Variants in ATG7 observed in about 807,000 individuals in gnomAD.
ATG7 encodes the protein ubiquitin-like modifier-activating enzyme ATG7.
ATG7 carries 70 observed loss-of-function variants against 82.4 expected under a neutral mutation model. The observed-to-expected ratio is 0.85, with a 90% CI of 0.70 to 1.04. ATG7 has a LOEUF of 1.04. Ranked by LOEUF, ATG7 falls within the 50% of genes least tolerant of loss-of-function variation. ATG7 has a pLI of 0.00. For missense variants in ATG7, 792 were observed against 864.3 expected, an observed-to-expected ratio of 0.92 and a Z score of 1.05; for synonymous variants, 287 against 313.0, an observed-to-expected ratio of 0.92 and a Z score of 0.88.
intron 19 of ATG7, among the ~76,000 whole-genome samples, chr3:11,423,549 T>C (rs1249257550): frequency 2.6e-5 from 4 of 152,224 alleles, no homozygotes; most frequent in Non-Finnish European, 5.9e-5. Context: ...TGGACATTTT[T>C]TCCTGACGTA....
chr3:11,554,113 G>A (rs1218142242), intron 20 of ATG7, among the ~76,000 whole-genome samples: 6 of 152,196 alleles, frequency 3.9e-5, no homozygotes, highest in Non-Finnish European at 8.8e-5. Flanking sequence ...GTCGGCCAGG[G>A]TGGCTCTTGC....
At chr3:11,455,884 T>A (rs1180161664) in intron 20 of ATG7, among the ~76,000 whole-genome samples, 1 of 152,218 alleles carries the variant, frequency 6.6e-6, no homozygotes, top group Non-Finnish European at 1.5e-5. Flanking sequence ...CTAACCTGTC[T>A]TATGTTCTTT....
intron 9 of ATG7, among the ~76,000 whole-genome samples, chr3:11,321,092 T>C (rs898028807): frequency 6.6e-6 from 1 of 152,154 alleles, no homozygotes; most frequent in East Asian, 1.9e-4. Flanking sequence ...CTGGGAATGT[T>C]TTGGAAGTAA....
chr3:11,535,461 TCA>T (rs148481525), intron 20 of ATG7, among the ~76,000 whole-genome samples: 5,268 of 152,210 alleles, frequency 0.035, 106 homozygotes, highest in African/African-American at 0.054. Context: ...TGTATGGCAA[TCA>T]CAGGGGCCAG....
intron 20 of ATG7, among the ~76,000 whole-genome samples, chr3:11,530,980 C>T (rs770358718): frequency 3.9e-5 from 6 of 152,154 alleles, no homozygotes; most frequent in East Asian, 3.9e-4. Context: ...TACTCTATCT[C>T]GGAAAATAAT....
intron 20 of ATG7, among the ~76,000 whole-genome samples, chr3:11,473,071 A>C (rs1390518675): frequency 1.3e-5 from 2 of 152,170 alleles, no homozygotes; most frequent in Non-Finnish European, 2.9e-5. Flanking sequence ...ACTTTCTGAT[A>C]TTCAGCCCTG....
chr3:11,415,791 T>A (rs1452038578), intron 19 of ATG7, among the ~76,000 whole-genome samples: 1 of 151,808 alleles, frequency 6.6e-6, no homozygotes, highest in Non-Finnish European at 1.5e-5. Context: ...GTAGAGGGAT[T>A]ACACTTTGCT....
chr3:11,516,859 G>C (rs558297986), intron 20 of ATG7, among the ~76,000 whole-genome samples: 1 of 151,926 alleles, frequency 6.6e-6, no homozygotes, highest in African/African-American at 2.4e-5. Flanking sequence ...GAGGCAGGTG[G>C]ATCACTTGAG....
intron 20 of ATG7, among the ~76,000 whole-genome samples, chr3:11,551,830 C>T (rs2071823176): frequency 6.6e-6 from 1 of 152,100 alleles, no homozygotes; most frequent in African/African-American, 2.4e-5. Flanking sequence ...CTCACTACAA[C>T]TTCTACCTCC....
At chr3:11,547,204 T>A (rs1575282647) in intron 20 of ATG7, among the ~76,000 whole-genome samples, 1 of 152,236 alleles carries the variant, frequency 6.6e-6, no homozygotes, top group African/African-American at 2.4e-5. Flanking sequence ...AAAAGGCCTC[T>A]TCCTTCGCCC....
At chr3:11,298,535 C>A (rs938370712) in intron 3 of ATG7, among the ~76,000 whole-genome samples, 151 bp from the exon 4 acceptor site, 1 of 152,074 alleles carries the variant, frequency 6.6e-6, no homozygotes, top group Non-Finnish European at 1.5e-5. Flanking sequence ...TGTTTCTTAC[C>A]ACAATCCAAA....
intron 20 of ATG7, among the ~76,000 whole-genome samples, chr3:11,536,209 T>C (rs985951300): frequency 1.3e-5 from 2 of 152,140 alleles, no homozygotes; most frequent in Non-Finnish European, 2.9e-5. Context: ...TTTCAGTAGA[T>C]TGAGAGGCTC....
chr3:11,393,164 T>C (rs1456818737), intron 19 of ATG7, among the ~76,000 whole-genome samples: 4 of 152,214 alleles, frequency 2.6e-5, no homozygotes. Flanking sequence ...CAGATTCTTA[T>C]AACCCACGTA....
intron 20 of ATG7, among the ~76,000 whole-genome samples, chr3:11,503,780 C>CAAAAAAAAAAAAAAAAAAAAAAAAA (rs1409208916): frequency 9.5e-6 from 1 of 105,462 alleles, no homozygotes. Flanking sequence ...AAAAAAAAAT[C>CAAAAAAAAAAAAAAAAAAAAAAAAA]AAATGATTAA....
At chr3:11,415,601 A>G (rs1250312689) in intron 19 of ATG7, among the ~76,000 whole-genome samples, 1 of 152,068 alleles carries the variant, frequency 6.6e-6, no homozygotes, top group Non-Finnish European at 1.5e-5. Flanking sequence ...CTAAGACACA[A>G]CATACACATT....
chr3:11,455,033 TTC>T (rs2085566873), intron 20 of ATG7, among the ~76,000 whole-genome samples: 1 of 152,234 alleles, frequency 6.6e-6, no homozygotes, highest in Non-Finnish European at 1.5e-5. Context: ...TCAGCTTTAT[TTC>T]TCTCGAGTAC....
chr3:11,576,022 C>T, the ATG7 span, among the ~76,000 whole-genome samples: 5 of 152,196 alleles, frequency 3.3e-5, no homozygotes, highest in Non-Finnish European at 5.9e-5. Context: ...TTTCTTTAAC[C>T]AGAACTGTCT....
chr3:11,464,080 T>TA (rs1173594044), intron 20 of ATG7, among the ~76,000 whole-genome samples: 1 of 152,140 alleles, frequency 6.6e-6, no homozygotes, highest in South Asian at 2.1e-4. Context: ...TATGCTTTTG[T>TA]AAAAAAATTG....
intron 20 of ATG7, among the ~76,000 whole-genome samples, chr3:11,531,347 C>T (rs948415470): frequency 3.3e-5 from 5 of 152,162 alleles, no homozygotes; most frequent in Non-Finnish European, 4.4e-5. Context: ...GAACAGGTCA[C>T]TTAATGCTTG....
Sources: gnomAD v4.1 joint callset for allele counts (sites outside exome capture counted in the v4.1 genomes callset) on GRCh38, gnomAD v4.1.1 for gene constraint, MANE v1.5 for transcripts, NCBI Gene and HGNC (gene_info 2026-07-23, HGNC 2026-07-21) for gene names.